Variants in NOL4L observed in about 807,000 individuals in gnomAD.
NOL4L encodes nucleolar protein 4 like.
NOL4L carries 7 observed loss-of-function variants against 64.5 expected under a neutral mutation model. The ratio of observed to expected loss-of-function variants is 0.11; its 90% CI spans 0.06 to 0.20. The LOEUF is 0.20. Among genes scored for constraint, NOL4L ranks in the 10% least tolerant of loss-of-function variants. NOL4L has a pLI of 1.00. For missense variants in NOL4L, 680 were observed against 967.1 expected, an observed-to-expected ratio of 0.70 and a Z score of 3.94; for synonymous variants, 413 against 401.0, an observed-to-expected ratio of 1.03 and a Z score of -0.36.
intron 1 of NOL4L, among the ~76,000 whole-genome samples, chr20:32,576,283 C>A (rs1980099622): frequency 6.6e-6 from 1 of 152,104 alleles, no homozygotes; most frequent in Non-Finnish European, 1.5e-5. Flanking sequence ...AGCCACCTCT[C>A]CAGGCTTGGA....
At chr20:32,578,624 G>A (rs1283416946) in intron 1 of NOL4L, among the ~76,000 whole-genome samples, 2 of 152,228 alleles carry the variant, frequency 1.3e-5, no homozygotes, top group African/African-American at 4.8e-5. Context: ...ACATGAGTGA[G>A]CAGGGTGGCC....
At chr20:32,458,583 C>T (rs1305832067) in intron 5 of NOL4L, among the ~76,000 whole-genome samples, 2 of 152,244 alleles carry the variant, frequency 1.3e-5, no homozygotes, top group East Asian at 3.8e-4. Context: ...TGGTTACCCA[C>T]GCTCCCATGA....
intron 1 of NOL4L, among the ~76,000 whole-genome samples, chr20:32,556,283 G>T (rs548872667): frequency 2.0e-5 from 3 of 151,898 alleles, no homozygotes; most frequent in Non-Finnish European, 2.9e-5. Context: ...GTGGGGGGGG[G>T]GGGTTTCCCT....
intron 1 of NOL4L, among the ~76,000 whole-genome samples, chr20:32,583,922 A>G (rs2145630770): frequency 6.8e-6 from 1 of 146,856 alleles, no homozygotes; most frequent in African/African-American, 2.5e-5. Flanking sequence ...CGGGGGGCTG[A>G]GGGGGCGCCC....
chr20:32,450,819 C>T (rs1021801591), intron 10 of NOL4L, among the ~76,000 whole-genome samples: 7 of 152,178 alleles, frequency 4.6e-5, no homozygotes, highest in Non-Finnish European at 8.8e-5. Flanking sequence ...GAAAGGAGCC[C>T]GCCTAGGACA....
intron 5 of NOL4L, among the ~76,000 whole-genome samples, chr20:32,469,585 G>T (rs2014852267): frequency 6.6e-6 from 1 of 152,110 alleles, no homozygotes; most frequent in South Asian, 2.1e-4. Flanking sequence ...TGGTCAGGCT[G>T]GTCTCAAACT....
chr20:32,521,617 G>T (rs1568683574), intron 2 of NOL4L, among the ~76,000 whole-genome samples: 1 of 152,160 alleles, frequency 6.6e-6, no homozygotes, highest in Non-Finnish European at 1.5e-5. Flanking sequence ...TGAGGAGGAG[G>T]ACAGGGATGC....
At chr20:32,470,328 C>T (rs530812362) in intron 5 of NOL4L, among the ~76,000 whole-genome samples, 6 of 152,242 alleles carry the variant, frequency 3.9e-5, no homozygotes, top group South Asian at 4.1e-4. Flanking sequence ...GGGCCAGCCC[C>T]GGCCTGCAGG....
At chr20:32,512,744 A>G (rs2017465368) in intron 3 of NOL4L, among the ~76,000 whole-genome samples, 1 of 152,092 alleles carries the variant, frequency 6.6e-6, no homozygotes, top group Admixed American at 6.5e-5. Context: ...AACATCAAGA[A>G]TCTTATTTTG....
intron 5 of NOL4L, among the ~76,000 whole-genome samples, chr20:32,466,547 C>T (rs1307052668): frequency 6.6e-6 from 1 of 152,050 alleles, no homozygotes; most frequent in Non-Finnish European, 1.5e-5. Context: ...GCTTGGGCCC[C>T]AGCTCTCTGC....
intron 4 of NOL4L, among the ~76,000 whole-genome samples, chr20:32,484,041 G>T (rs1189586808): frequency 6.6e-6 from 1 of 151,730 alleles, no homozygotes. Context: ...GTCCGGTGGG[G>T]GCTGGGGGGA....
At chr20:32,461,164 G>A (rs1340499762) in intron 5 of NOL4L, among the ~76,000 whole-genome samples, 2 of 152,222 alleles carry the variant, frequency 1.3e-5, no homozygotes, top group South Asian at 2.1e-4. Context: ...GCAGCCGCAA[G>A]GGCTGAGTTT....
Position 32,488,747 on chromosome 20 carries a change from TTTCCTTCCTTCCTTCCTTCC to T in NOL4L, c.700-14025_700-14006del, listed in dbSNP as rs1206813375. Reference sequence around the variant, plus strand: ...TTCTTTCTTTCTTTTCTTTCTTTCTTTTCCTTCCTTCCTTCCTTCCTTCCTTCCTTCCTTCCTTCCTTCCT... The same window carrying T: ...TTCTTTCTTTCTTTTCTTTCTTTCTTTTCCTTCCTTCCTTCCTTCCTTCCT... On this transcript the variant is annotated intron_variant, in intron 4 of 10. Transcript: ENST00000621426. 5.6e-4 allele frequency among the ~76,000 whole-genome samples: 60 copies of T among 106,886 alleles called. 1 individual carries two copies. The highest frequency in any genetic ancestry group is 1.8e-3 in the African/African-American group (46 of 26,136). The allele number at this position is 106,886 out of a possible 152,430, so 70.1% of individuals were successfully genotyped here.
intron 4 of NOL4L, among the ~76,000 whole-genome samples, chr20:32,481,966 G>GGT (rs2015745005): frequency 6.8e-6 from 1 of 146,478 alleles, no homozygotes; most frequent in Non-Finnish European, 1.5e-5. Context: ...GGGCGGGGCG[G>GGT]GGGGGGGGGA....
chr20:32,458,967 G>T (rs763858167), intron 5 of NOL4L, among the ~76,000 whole-genome samples: 1 of 152,228 alleles, frequency 6.6e-6, no homozygotes, highest in African/African-American at 2.4e-5. Flanking sequence ...CGGCACGGGG[G>T]CCCAGACTCT....
rs1229039124 is a variant in NOL4L at position 32,463,954 on chromosome 20, G to A, written c.842-7559C>T. Among the ~76,000 whole-genome samples the A allele has an allele frequency of 6.6e-6, 1 of 152,178 alleles. No individual in the cohort carries two copies. The highest frequency in any genetic ancestry group is 1.5e-5 in the Non-Finnish European group (1 of 68,030). ...GCCCTGCGTGCAGACTGCCTTCCGT[G>A]TCCAGAGGTGTGGCTGCTGGAGGCA... On this transcript the variant is annotated intron_variant, in intron 5 of 10. Coordinates refer to ENST00000621426, the MANE Select transcript of NOL4L (RefSeq NM_001256798.2). The surrounding 1 kb of genome is among the most constrained non-coding windows in gnomAD (Gnocchi z 5.8).
chr20:32,462,781 T>C (rs147100238), intron 5 of NOL4L, among the ~76,000 whole-genome samples: 3,841 of 151,568 alleles, frequency 0.025, 171 homozygotes, highest in African/African-American at 0.089. Flanking sequence ...GGTGCACGCC[T>C]GTAGTCCCAG....
intron 4 of NOL4L, among the ~76,000 whole-genome samples, chr20:32,492,642 G>A (rs1395630258): frequency 6.6e-6 from 1 of 152,240 alleles, no homozygotes; most frequent in Non-Finnish European, 1.5e-5. Context: ...CCTGGAGCTC[G>A]CTGTAGTCGA....
At chr20:32,475,002 G>T in intron 4 of NOL4L, 1 of 985,228 alleles carries the variant, frequency 1.0e-6, no homozygotes, top group Non-Finnish European at 1.2e-6. Context: ...CTCGCATCCT[G>T]CAGGGGCGGA....
Sources: gnomAD v4.1 joint callset for allele counts (sites outside exome capture counted in the v4.1 genomes callset) on GRCh38, gnomAD v4.1.1 for gene constraint, Gnocchi (gnomAD v3.1) non-coding constraint, MANE v1.5 for transcripts, NCBI Gene and HGNC (gene_info 2026-07-23, HGNC 2026-07-21) for gene names.